The following PFKFB3 variants were observed in gnomAD, a reference collection of about 807,000 sequenced individuals.
The protein encoded by PFKFB3 is 6-phosphofructo-2-kinase/fructose-2,6-bisphosphatase 3.
A neutral mutation model predicts 68.0 loss-of-function variants in PFKFB3; 33 were observed. The ratio of observed to expected loss-of-function variants is 0.49; its 90% CI spans 0.37 to 0.65. The LOEUF (loss-of-function observed/expected upper bound fraction) is 0.65, where lower values mean the gene tolerates loss of function less well. Among genes scored for constraint, PFKFB3 ranks in the 30% least tolerant of loss-of-function variants. The probability of loss-of-function intolerance (pLI) is 0.00; values close to 1 mark genes in which losing one functional copy is unlikely to be tolerated. For missense variants in PFKFB3, 586 were observed against 712.2 expected (o/e 0.82, Z 2.02); for synonymous variants, 315 against 288.2 (o/e 1.09, Z -0.94).
At chr10:6,157,472 C>T (rs1057387967) in intron 1 of PFKFB3, among the ~76,000 whole-genome samples, 2 of 152,278 alleles carry the variant, frequency 1.3e-5, no homozygotes, top group African/African-American at 4.8e-5. Context: ...GTGATCCGCC[C>T]GCCTCGGCCT....
At chr10:6,255,894 G>A (rs1164524763), downstream of PFKFB3, among the ~76,000 whole-genome samples, 3 of 152,174 alleles carry the variant, frequency 2.0e-5, no homozygotes, top group South Asian at 2.1e-4. Context: ...GGAAGGGAGC[G>A]TTGGCGGGGT....
At chr10:6,307,380 G>T in the PFKFB3 span, among the ~76,000 whole-genome samples, 2 of 149,242 alleles carry the variant, frequency 1.3e-5, no homozygotes, top group African/African-American at 4.9e-5. Flanking sequence ...CACCCTACTG[G>T]TTCTGTTTCT....
chr10:6,146,205 C>A, intron 1 of PFKFB3: 1 of 1,422,918 alleles, frequency 7.0e-7, no homozygotes, highest in Non-Finnish European at 9.2e-7. Flanking sequence ...CTTCCCGCAC[C>A]CACCCATCTG....
the PFKFB3 span, among the ~76,000 whole-genome samples, chr10:6,287,540 A>G: frequency 1.3e-5 from 2 of 152,346 alleles, no homozygotes; most frequent in Admixed American, 1.3e-4. Context: ...TAGGCTGTAC[A>G]ATATAGCCTA....
intron 1 of PFKFB3, among the ~76,000 whole-genome samples, chr10:6,180,886 G>A (rs1842693494): frequency 3.3e-5 from 5 of 152,236 alleles, no homozygotes; most frequent in Admixed American, 3.3e-4. Context: ...CAGAATTGTG[G>A]TATGTGTTCC....
chr10:6,235,700 C>T (rs1261285234), downstream of PFKFB3, among the ~76,000 whole-genome samples: 1 of 150,934 alleles, frequency 6.6e-6, no homozygotes, highest in Non-Finnish European at 1.5e-5. Flanking sequence ...AATGAGCTGT[C>T]TCAATTTTTC....
In PFKFB3 at chr10:6,188,892, T is replaced by A. The variant is rs545774105; in HGVS notation, c.17-24731T>A. 2.6e-3 allele frequency among the ~76,000 whole-genome samples: 390 copies of A among 148,840 alleles called. 3 individuals carry two copies. The highest frequency in any genetic ancestry group is 4.5e-3 in the Non-Finnish European group (301 of 67,588). ...CTCTGTCCCCCAGGCTGGAGTGCAG[T>A]GGCGCGATCTCGGCTCACTGCAAGC... On this transcript the variant is annotated intron_variant, in intron 1 of 14. Transcript: ENST00000379789.
intron 1 of PFKFB3, among the ~76,000 whole-genome samples, chr10:6,148,341 A>G (rs548087291): frequency 2.6e-5 from 4 of 152,350 alleles, no homozygotes; most frequent in Admixed American, 2.6e-4. Flanking sequence ...CTTAGACCTC[A>G]TATTGCACCT....
chr10:6,180,177 A>C (rs1365463159), intron 1 of PFKFB3, among the ~76,000 whole-genome samples: 1 of 150,832 alleles, frequency 6.6e-6, no homozygotes, highest in African/African-American at 2.4e-5. Flanking sequence ...CCCTGTCTCT[A>C]AAAGAAAAAA....
intron 14 of PFKFB3, among the ~76,000 whole-genome samples, chr10:6,241,237 G>A (rs1302380045): frequency 2.0e-5 from 3 of 152,170 alleles, no homozygotes; most frequent in East Asian, 3.9e-4. Context: ...TTTGTCTCAT[G>A]TTTTCTCATG....
the PFKFB3 span, among the ~76,000 whole-genome samples, chr10:6,318,844 C>G: frequency 6.6e-6 from 1 of 152,188 alleles, no homozygotes; most frequent in Non-Finnish European, 1.5e-5. Flanking sequence ...ATGTGTCCTG[C>G]TGAAACATGA....
At chr10:6,212,540 A>G (rs1844298462) in intron 1 of PFKFB3, among the ~76,000 whole-genome samples, 1 of 152,192 alleles carries the variant, frequency 6.6e-6, no homozygotes, top group African/African-American at 2.4e-5. Context: ...GCCTGGCACC[A>G]GAAGAGGGGG....
rs1453948337 is a variant in PFKFB3 at position 6,217,207 on chromosome 10, G to A, written c.498+16G>A. 6.2e-7 allele frequency: 1 copy of A among 1,611,858 alleles called. No homozygotes were observed. Among genetic ancestry groups the A allele is most frequent in the Non-Finnish European group, 8.5e-7 (1 of 1,177,880 alleles). ...CAATATCATGGTAAGACAGCCGGGA[G>A]CCCCGTGCTTCTGCGGCAGCGTAGA... On this transcript the variant is annotated intron_variant, in intron 6 of 14. Transcript: ENST00000379775.
the PFKFB3 span, among the ~76,000 whole-genome samples, chr10:6,271,581 A>G: frequency 6.6e-6 from 1 of 152,132 alleles, no homozygotes; most frequent in African/African-American, 2.4e-5. Context: ...TTTTAGCTCC[A>G]GTCCTGGTTC....
At chr10:6,171,404 T>C (rs878953283) in intron 1 of PFKFB3, among the ~76,000 whole-genome samples, 5 of 148,534 alleles carry the variant, frequency 3.4e-5, no homozygotes, top group Admixed American at 1.5e-4. Context: ...TTCTTTCTTT[T>C]TTTTTTTTTT....
At chr10:6,270,558 A>G in the PFKFB3 span, among the ~76,000 whole-genome samples, 21 of 151,992 alleles carry the variant, frequency 1.4e-4, no homozygotes, top group South Asian at 2.1e-4. Context: ...GGCTTTCTTG[A>G]ACTCTTGTTT....
chr10:6,287,872 C>T, the PFKFB3 span, among the ~76,000 whole-genome samples: 1 of 152,088 alleles, frequency 6.6e-6, no homozygotes, highest in African/African-American at 2.4e-5. Flanking sequence ...TTTCTCCATC[C>T]TTTCTTTATG....
At chr10:6,303,727 G>A in the PFKFB3 span, among the ~76,000 whole-genome samples, 1 of 149,390 alleles carries the variant, frequency 6.7e-6, no homozygotes, top group Non-Finnish European at 1.5e-5. Flanking sequence ...TTGAATCCCA[G>A]AGGCAGAGCT....
At chr10:6,243,629 C>G (rs1368963948) in intron 14 of PFKFB3, among the ~76,000 whole-genome samples, 1 of 152,224 alleles carries the variant, frequency 6.6e-6, no homozygotes, top group African/African-American at 2.4e-5. Context: ...CTTTGCAGAG[C>G]TCCTCAAATG....
Sources: allele counts gnomAD v4.1 joint callset (sites outside exome capture counted in the v4.1 genomes callset), GRCh38; gene constraint gnomAD v4.1.1; transcripts MANE v1.5; gene names NCBI Gene and HGNC (gene_info 2026-07-23, HGNC 2026-07-21).